The following SLC41A2 variants were observed in gnomAD, a reference collection of about 807,000 sequenced individuals.
SLC41A2 encodes solute carrier family 41 member 2, also known as SLC41A1-like 1.
SLC41A2 carries 32 observed loss-of-function variants against 58.3 expected under a neutral mutation model. The ratio of observed to expected loss-of-function variants is 0.55; its 90% CI spans 0.41 to 0.74. The LOEUF (loss-of-function observed/expected upper bound fraction) is 0.74, where lower values mean the gene tolerates loss of function less well. Among genes scored for constraint, SLC41A2 ranks in the 30% least tolerant of loss-of-function variants. The pLI is 0.00. For missense variants in SLC41A2, 514 were observed against 680.6 expected, an observed-to-expected ratio of 0.76 and a Z score of 2.72; for synonymous variants, 190 against 235.0, an observed-to-expected ratio of 0.81 and a Z score of 1.75.
Position 104,886,227 on chromosome 12 carries a change from G to A in SLC41A2, c.1027+66C>T. 2.6e-6 allele frequency: 4 copies of A among 1,537,052 alleles called. No homozygotes were observed. The East Asian group carries it at 9.2e-5, about 35-fold the overall frequency. ...AAGGCTACCATGGATTCATGGCATTGCTGCAACAATATTTATTTAAAGAGA... is the reference window on the plus strand; with the variant it reads ...AAGGCTACCATGGATTCATGGCATTACTGCAACAATATTTATTTAAAGAGA... On this transcript the variant is annotated intron_variant, in intron 6 of 10. Coordinates refer to ENST00000258538, the MANE Select transcript of SLC41A2 (RefSeq NM_001352171.3).
At chr12:104,877,254 C>T (rs974808015) in intron 6 of SLC41A2, among the ~76,000 whole-genome samples, 1 of 152,148 alleles carries the variant, frequency 6.6e-6, no homozygotes, top group Non-Finnish European at 1.5e-5. Flanking sequence ...TCTTTGTATT[C>T]AGAATAAAAA....
At chr12:104,909,591 G>C in intron 3 of SLC41A2, 64 bp downstream of exon 3, 1 of 1,113,368 alleles carries the variant, frequency 9.0e-7, no homozygotes, top group African/African-American at 1.6e-5. Flanking sequence ...CCTGATACAA[G>C]TTCCCCTTAA....
intron 1 of SLC41A2, among the ~76,000 whole-genome samples, chr12:104,947,947 C>CA (rs1336579713): frequency 6.6e-6 from 1 of 152,170 alleles, no homozygotes; most frequent in African/African-American, 2.4e-5. Context: ...AACCAGAACT[C>CA]ATGAAAGCAT....
rs192591735 is a variant in SLC41A2, at chr12:104,846,677, G to T, written c.1256-703C>A. On this transcript the variant is annotated intron_variant, in intron 8 of 10. Transcript: ENST00000258538. ...AAACATCAGCAACTGACTGTTGGGGGAAGAGCAAGAGCACAGATAGTTAAG... is the reference window on the plus strand; with the variant it reads ...AAACATCAGCAACTGACTGTTGGGGTAAGAGCAAGAGCACAGATAGTTAAG... 1.2e-3 allele frequency among the ~76,000 whole-genome samples: 186 copies of T among 152,326 alleles called. 2 individuals are homozygous for T. The highest frequency in any genetic ancestry group is 0.011 in the South Asian group (54 of 4,830).
intron 1 of SLC41A2, among the ~76,000 whole-genome samples, chr12:104,952,994 C>T (rs976357488): frequency 6.6e-5 from 10 of 152,202 alleles, no homozygotes; most frequent in Non-Finnish European, 1.0e-4. Context: ...ATGCTTATTA[C>T]GCTTTATCGT....
intron 1 of SLC41A2, among the ~76,000 whole-genome samples, chr12:104,936,030 G>C (rs963519346): frequency 1.4e-5 from 2 of 139,194 alleles, no homozygotes; most frequent in Non-Finnish European, 3.1e-5. Context: ...GCAACAGAGC[G>C]AGACTGTCTT....
chr12:104,919,407 GT>G (rs1285849860), intron 2 of SLC41A2, among the ~76,000 whole-genome samples: 1 of 152,232 alleles, frequency 6.6e-6, no homozygotes, highest in East Asian at 1.9e-4. Context: ...TTTAGGGTTT[GT>G]TTTTTTACAG....
intron 10 of SLC41A2, among the ~76,000 whole-genome samples, chr12:104,820,055 T>A (rs1339333824): frequency 2.0e-5 from 3 of 152,194 alleles, no homozygotes; most frequent in Non-Finnish European, 4.4e-5. Flanking sequence ...CAGTGTCAGC[T>A]CCCTTCCCTC....
chr12:104,910,526 A>G (rs993655768), intron 2 of SLC41A2, among the ~76,000 whole-genome samples: 1 of 152,234 alleles, frequency 6.6e-6, no homozygotes, highest in African/African-American at 2.4e-5. Flanking sequence ...AATGTCCCCA[A>G]CCAATGGAAT....
At position 104,922,705 on chromosome 12, in the gene SLC41A2, C is replaced by T. The variant is rs1390864732; in HGVS notation, c.555+5268G>A. Among the ~76,000 whole-genome samples the T allele has an allele frequency of 3.3e-5, 5 of 152,258 alleles. No homozygotes were observed. The East Asian group carries it at 9.7e-4, about 29-fold the overall frequency. ...TAACTGATAATTAGAGAACATTTCA[C>T]CCAACTGCTACAGAAGATACATTCT... On this transcript the variant is annotated intron_variant, in intron 2 of 10. Coordinates refer to ENST00000258538, the MANE Select transcript of SLC41A2 (RefSeq NM_001352171.3).
intron 6 of SLC41A2, among the ~76,000 whole-genome samples, chr12:104,871,379 T>C (rs2135548683): frequency 6.6e-6 from 1 of 152,336 alleles, no homozygotes; most frequent in East Asian, 1.9e-4. Context: ...GGCCCAATGT[T>C]GAATCTTGTT....
intron 3 of SLC41A2, among the ~76,000 whole-genome samples, chr12:104,909,422 G>T (rs1239757627): frequency 6.6e-6 from 1 of 152,140 alleles, no homozygotes; most frequent in African/African-American, 2.4e-5. Flanking sequence ...GATGATAAAT[G>T]CCAGAATGTC....
Position 104,928,202 on chromosome 12 carries a change from T to C in SLC41A2, c.326A>G (p.Tyr109Cys), listed in dbSNP as rs138431402. The C allele has an allele frequency of 1.9e-6, 3 of 1,614,084 alleles. No homozygotes were observed. The highest frequency in any genetic ancestry group is 2.7e-5 in the African/African-American group (2 of 74,938). ...GHASSSCSQK[Y>C]DDYANYNYCD... ...GTAATTATAATTGGCATAGTCATCA[T>C]ACTTTTGGCTGCAGCTTGATGATGC... The change falls in exon 2 of 11, where the codon TAT becomes TGT. Residue 109 changes from tyrosine (Y) to cysteine (C), a missense_variant. By Grantham distance (194) the Tyr-to-Cys change is radical. This residue lies in a region of SLC41A2 where 336 missense variants were observed against 430.0 expected (regional missense o/e 0.78). Coordinates refer to ENST00000258538, the MANE Select transcript of SLC41A2 (RefSeq NM_001352171.3).
At chr12:104,806,454 C>T (rs1592903228) in intron 10 of SLC41A2, among the ~76,000 whole-genome samples, 1 of 152,150 alleles carries the variant, frequency 6.6e-6, no homozygotes, top group African/African-American at 2.4e-5. Context: ...TTTCTTAATC[C>T]AGTCTATCAT....
At chr12:104,839,648 C>G (rs757400010) in intron 10 of SLC41A2, among the ~76,000 whole-genome samples, 1 of 151,936 alleles carries the variant, frequency 6.6e-6, no homozygotes, top group Admixed American at 6.6e-5. Context: ...GGATTACAGG[C>G]GTGCACCACC....
At chr12:104,854,196 T>A (rs2042931857) in intron 8 of SLC41A2, among the ~76,000 whole-genome samples, 1 of 151,834 alleles carries the variant, frequency 6.6e-6, no homozygotes, top group Non-Finnish European at 1.5e-5. Context: ...GAAAATTTCA[T>A]GGGTAGGTAT....
chr12:104,938,546 C>A (rs1051460563), intron 1 of SLC41A2, among the ~76,000 whole-genome samples: 2 of 152,166 alleles, frequency 1.3e-5, no homozygotes, highest in Admixed American at 6.5e-5. Flanking sequence ...CAAACAGAAA[C>A]AATTCAGCTA....
At chr12:104,909,903 G>C (rs1288329514) in intron 2 of SLC41A2, 141 bp from the exon 3 acceptor site, 4 of 575,902 alleles carry the variant, frequency 6.9e-6, no homozygotes, top group Non-Finnish European at 9.0e-6. Flanking sequence ...TAATCAGCGA[G>C]CACTTAGCTT....
At chr12:104,931,439 T>A (rs969417211) in intron 1 of SLC41A2, among the ~76,000 whole-genome samples, 2 of 152,218 alleles carry the variant, frequency 1.3e-5, no homozygotes, top group African/African-American at 4.8e-5. Context: ...ATTTGCTGCT[T>A]ACTATTTCCT....
Sources: allele counts gnomAD v4.1 joint callset (sites outside exome capture counted in the v4.1 genomes callset), GRCh38; gene constraint gnomAD v4.1.1; regional missense constraint gnomAD v4.1.1; transcripts MANE v1.5; gene names NCBI Gene and HGNC (gene_info 2026-07-23, HGNC 2026-07-21).